The following SLC25A48 variants were observed in gnomAD, a reference collection of about 807,000 sequenced individuals.
SLC25A48 encodes solute carrier family 25 member 48.
Under a neutral mutation model 32.2 loss-of-function variants are expected in SLC25A48, and 29 were observed. The ratio of observed to expected loss-of-function variants is 0.90; its 90% confidence interval spans 0.67 to 1.23. The LOEUF is 1.23. Ranked by LOEUF, SLC25A48 falls within the 50% of genes most tolerant of loss-of-function variation. The pLI, the probability that SLC25A48 is intolerant of heterozygous loss-of-function variation, is 0.00. For synonymous variants in SLC25A48, 164 were observed against 172.3 expected, an observed-to-expected ratio of 0.95 and a Z score of 0.38; for missense variants, 399 against 422.7, an observed-to-expected ratio of 0.94 and a Z score of 0.49.
chr5:135,876,929 T>A (rs1414373261), intron 6 of SLC25A48, among the ~76,000 whole-genome samples: 1 of 152,180 alleles, frequency 6.6e-6, no homozygotes, highest in Non-Finnish European at 1.5e-5. Context: ...CCAAGCATTC[T>A]TGACTGTGGC....
chr5:135,636,697 G>T (rs1323156417), intron 3 of SLC25A48, among the ~76,000 whole-genome samples: 1 of 152,198 alleles, frequency 6.6e-6, no homozygotes, highest in East Asian at 1.9e-4. Context: ...TAAGCCCATA[G>T]TTCTTGTATT....
chr5:135,814,450 A>G (rs1757666928), intron 4 of SLC25A48, among the ~76,000 whole-genome samples: 1 of 152,176 alleles, frequency 6.6e-6, no homozygotes, highest in Non-Finnish European at 1.5e-5. Context: ...AATGTCAAAC[A>G]TCCTGCCTGT....
intron 3 of SLC25A48, among the ~76,000 whole-genome samples, chr5:135,739,063 C>T (rs565217544): frequency 1.4e-4 from 22 of 152,150 alleles, no homozygotes; most frequent in Non-Finnish European, 3.1e-4. Context: ...GCCTGGGCAA[C>T]ACAGCGATAC....
chr5:135,690,425 A>G (rs1754118158), intron 3 of SLC25A48, among the ~76,000 whole-genome samples: 1 of 152,168 alleles, frequency 6.6e-6, no homozygotes, highest in Admixed American at 6.5e-5. Flanking sequence ...GGCCTTGAAG[A>G]ACTAACAAGG....
At chr5:135,593,499 C>A (rs1019948920) in intron 1 of SLC25A48, among the ~76,000 whole-genome samples, 5 of 152,200 alleles carry the variant, frequency 3.3e-5, no homozygotes, top group Non-Finnish European at 7.3e-5. Context: ...ATCTGGGAAG[C>A]AATTCCATTT....
intron 1 of SLC25A48, chr5:135,609,829 A>G (rs17168740): frequency 1.3e-5 from 2 of 152,362 alleles, no homozygotes; most frequent in Admixed American, 6.5e-5. Context: ...ATATTTGCAG[A>G]TATCTCTAGA....
At position 135,783,149 on chromosome 5, in the gene SLC25A48, A is replaced by G. The variant is rs892763653; in HGVS notation, c.-520-29374A>G. ...ATCCAGGGGGTCAGAAGATGATATT[A>G]CCCCCAATATCGCACAGGGCGTACA... is the stretch of plus-strand genomic sequence containing the variant. On this transcript the variant is annotated intron_variant, in intron 3 of 10. Transcript: ENST00000646290. Among the ~76,000 whole-genome samples, 6 of 68,806 alleles carry G rather than the reference A, an allele frequency of 8.7e-5. 1 individual carries two copies. Among genetic ancestry groups the G allele is most frequent in the African/African-American group, 3.3e-4 (6 of 18,404 alleles). 45.1% of individuals were successfully genotyped at this position (68,806 alleles called of 152,430 possible).
chr5:135,790,532 C>T (rs905787896), intron 3 of SLC25A48, among the ~76,000 whole-genome samples: 3 of 143,538 alleles, frequency 2.1e-5, no homozygotes, highest in African/African-American at 8.0e-5. Context: ...CCCAGTGATA[C>T]TAACTGTAAT....
At chr5:135,836,982 CACACA>C (rs1248319440) in intron 1 of SLC25A48, among the ~76,000 whole-genome samples, 41 of 19,078 alleles carry the variant, frequency 2.1e-3, no homozygotes, top group African/African-American at 2.8e-3. Context: ...CCCCCCCCCC[CACACA>C]CACACACATT....
chr5:135,810,219 A>T (rs1028312000), intron 3 of SLC25A48, among the ~76,000 whole-genome samples: 1 of 152,208 alleles, frequency 6.6e-6, no homozygotes, highest in African/African-American at 2.4e-5. Context: ...CCCTGAGCTG[A>T]TTGAATTCAC....
chr5:135,659,319 G>A (rs2126933110), intron 3 of SLC25A48, among the ~76,000 whole-genome samples: 1 of 152,292 alleles, frequency 6.6e-6, no homozygotes, highest in Non-Finnish European at 1.5e-5. Context: ...GCACAATGCT[G>A]CCAATCTCTT....
chr5:135,778,311 C>A (rs951285360), intron 3 of SLC25A48, among the ~76,000 whole-genome samples: 3 of 150,002 alleles, frequency 2.0e-5, no homozygotes, highest in African/African-American at 7.4e-5. Flanking sequence ...GATATTGTTC[C>A]TAATATCCAG....
At chr5:135,633,382 C>G (rs1453712207) in intron 2 of SLC25A48, among the ~76,000 whole-genome samples, 1 of 151,800 alleles carries the variant, frequency 6.6e-6, no homozygotes, top group Non-Finnish European at 1.5e-5. Flanking sequence ...ACTAAGGTAA[C>G]TGAGGTCATA....
chr5:135,752,374 C>T (rs1262649993), intron 3 of SLC25A48, among the ~76,000 whole-genome samples: 1 of 152,200 alleles, frequency 6.6e-6, no homozygotes, highest in Non-Finnish European at 1.5e-5. Flanking sequence ...AGTTCGAGAC[C>T]AGCCTGGCCA....
In SLC25A48 at chr5:135,679,952, C is replaced by T. The variant is rs112898841; in HGVS notation, c.-521+44996C>T. ...CTAGGGGCTCATGAAAGTCTTGGAG[C>T]CTTCCCATGGCTAGGATGCAGGTAT... On this transcript the variant is annotated intron_variant, in intron 3 of 10. Transcript: ENST00000646290. 9.9e-3 allele frequency among the ~76,000 whole-genome samples: 1,505 copies of T among 152,228 alleles called. 11 individuals are homozygous for T. Among genetic ancestry groups the T allele is most frequent in the Non-Finnish European group, 0.014 (976 of 68,000 alleles).
At chr5:135,656,121 G>T (rs1301700741) in intron 3 of SLC25A48, among the ~76,000 whole-genome samples, 2 of 152,180 alleles carry the variant, frequency 1.3e-5, no homozygotes, top group Non-Finnish European at 2.9e-5. Context: ...CATCACATTA[G>T]TTGGCTTTAA....
chr5:135,667,544 G>C (rs1351347459), intron 3 of SLC25A48, among the ~76,000 whole-genome samples: 2 of 152,112 alleles, frequency 1.3e-5, no homozygotes. Context: ...TAGCTTTCTT[G>C]TTATTTTCTC....
At chr5:135,619,259 GT>G (rs1466761815) in intron 1 of SLC25A48, among the ~76,000 whole-genome samples, 2 of 151,704 alleles carry the variant, frequency 1.3e-5, no homozygotes, top group South Asian at 4.1e-4. Context: ...CATGTTCTGA[GT>G]TTCTTTCTTC....
At chr5:135,802,686 T>A (rs1757365258) in intron 3 of SLC25A48, among the ~76,000 whole-genome samples, 1 of 151,554 alleles carries the variant, frequency 6.6e-6, no homozygotes, top group Non-Finnish European at 1.5e-5. Flanking sequence ...ACTCCTAGTA[T>A]CACAGTGAGA....
Sources: gnomAD v4.1 joint callset for allele counts (sites outside exome capture counted in the v4.1 genomes callset) on GRCh38, gnomAD v4.1.1 for gene constraint, MANE v1.5 for transcripts, NCBI Gene and HGNC (gene_info 2026-07-23, HGNC 2026-07-21) for gene names.